Variants in CPNE8 observed in about 807,000 individuals in gnomAD.
The protein encoded by CPNE8 is copine-8.
A neutral mutation model predicts 81.5 loss-of-function variants in CPNE8; 45 were observed. The ratio of observed to expected loss-of-function variants is 0.55; its 90% CI spans 0.44 to 0.71. The LOEUF (loss-of-function observed/expected upper bound fraction) is 0.71. Ranked by LOEUF, CPNE8 falls within the 30% of genes least tolerant of loss-of-function variation. The pLI is 0.00. For missense variants in CPNE8, 594 were observed against 672.1 expected, an observed-to-expected ratio of 0.88 and a Z score of 1.28; for synonymous variants, 252 against 226.3, an observed-to-expected ratio of 1.11 and a Z score of -1.02.
At chr12:38,873,906 T>C (rs895503114) in intron 2 of CPNE8, among the ~76,000 whole-genome samples, 7 of 152,182 alleles carry the variant, frequency 4.6e-5, no homozygotes, top group African/African-American at 1.2e-4. Flanking sequence ...AGATGTTACA[T>C]ATTTCACTTG....
At chr12:38,719,495 C>T (rs1217453726) in intron 13 of CPNE8, among the ~76,000 whole-genome samples, 3 of 148,602 alleles carry the variant, frequency 2.0e-5, no homozygotes, top group Admixed American at 6.8e-5. Context: ...CCCAGCTACT[C>T]GGGAGGCTGA....
intron 1 of CPNE8, among the ~76,000 whole-genome samples, chr12:38,900,811 T>C (rs920143532): frequency 1.3e-5 from 2 of 152,172 alleles, no homozygotes; most frequent in African/African-American, 2.4e-5. Flanking sequence ...CAAGGAGTGA[T>C]GGGAGATGAG....
intron 13 of CPNE8, among the ~76,000 whole-genome samples, chr12:38,723,214 G>A (rs1940609145): frequency 6.6e-6 from 1 of 152,158 alleles, no homozygotes; most frequent in African/African-American, 2.4e-5. Flanking sequence ...CCCTATTTAT[G>A]AGGGTGTAAG....
At chr12:38,718,820 A>G (rs528043148) in intron 13 of CPNE8, among the ~76,000 whole-genome samples, 1 of 152,214 alleles carries the variant, frequency 6.6e-6, no homozygotes, top group Non-Finnish European at 1.5e-5. Context: ...TAAAGCATGT[A>G]CTAACAGGAA....
chr12:38,869,799 C>A (rs566198270), intron 3 of CPNE8, among the ~76,000 whole-genome samples: 1 of 152,286 alleles, frequency 6.6e-6, no homozygotes, highest in East Asian at 1.9e-4. Flanking sequence ...TCTCCATTTT[C>A]ATTTTGTTTT....
intron 5 of CPNE8, among the ~76,000 whole-genome samples, chr12:38,836,271 A>C (rs949390203): frequency 6.6e-6 from 1 of 152,184 alleles, no homozygotes; most frequent in Admixed American, 6.5e-5. Flanking sequence ...AGATGTCCCT[A>C]GATTCCATAA....
intron 3 of CPNE8, among the ~76,000 whole-genome samples, chr12:38,855,235 A>T (rs940225956): frequency 1.3e-5 from 2 of 152,100 alleles, no homozygotes; most frequent in Non-Finnish European, 2.9e-5. Context: ...GAAAGAAATA[A>T]TTATGACACA....
intron 13 of CPNE8, among the ~76,000 whole-genome samples, chr12:38,704,856 A>ATATATATATATATG: frequency 7.7e-6 from 1 of 129,524 alleles, no homozygotes; most frequent in African/African-American, 2.7e-5. Flanking sequence ...ATATATATAT[A>ATATATATATATATG]TATATATTTA....
chr12:38,883,316 C>A (rs78667616), intron 1 of CPNE8, among the ~76,000 whole-genome samples: 6 of 151,948 alleles, frequency 3.9e-5, no homozygotes, highest in African/African-American at 1.5e-4. Flanking sequence ...CTATATCATT[C>A]AGAACAAAAT....
chr12:38,689,945 T>G (rs960998278), intron 15 of CPNE8, among the ~76,000 whole-genome samples: 1 of 152,224 alleles, frequency 6.6e-6, no homozygotes, highest in Non-Finnish European at 1.5e-5. Context: ...AAATTCTTCC[T>G]TTCCTCTCCC....
chr12:38,801,004 A>G (rs1280692941), intron 6 of CPNE8, among the ~76,000 whole-genome samples: 3 of 150,530 alleles, frequency 2.0e-5, no homozygotes, highest in African/African-American at 7.4e-5. Context: ...ATATGGGACT[A>G]CGTGAAAAGA....
chr12:38,872,351 C>T (rs1158384005), intron 3 of CPNE8, among the ~76,000 whole-genome samples: 10 of 152,184 alleles, frequency 6.6e-5, no homozygotes, highest in Admixed American at 6.5e-4. Context: ...GCACTAACCT[C>T]ACTAGGGAAA....
intron 11 of CPNE8, among the ~76,000 whole-genome samples, chr12:38,726,953 A>G (rs1940713714): frequency 6.6e-6 from 1 of 152,208 alleles, no homozygotes; most frequent in South Asian, 2.1e-4. Context: ...AATTGCCAAT[A>G]ATACATCCGA....
chr12:38,879,242 T>C (rs1241217063), intron 1 of CPNE8, among the ~76,000 whole-genome samples: 2 of 152,070 alleles, frequency 1.3e-5, no homozygotes, highest in African/African-American at 4.8e-5. Flanking sequence ...TCTTCCTGCG[T>C]AGAACCTGAG....
chr12:38,877,326 T>G (rs1944081584), intron 1 of CPNE8, among the ~76,000 whole-genome samples: 1 of 152,138 alleles, frequency 6.6e-6, no homozygotes, highest in African/African-American at 2.4e-5. Context: ...GAAAAAAATC[T>G]TTGTTTTTTA....
chr12:38,730,728 A>G (rs1164208015), intron 10 of CPNE8, among the ~76,000 whole-genome samples: 3 of 151,596 alleles, frequency 2.0e-5, no homozygotes, highest in Non-Finnish European at 4.4e-5. Flanking sequence ...TATTGTCCAT[A>G]TCTATGGATA....
At chr12:38,684,776 T>C (rs1051853690) in intron 16 of CPNE8, among the ~76,000 whole-genome samples, 10 of 152,202 alleles carry the variant, frequency 6.6e-5, no homozygotes, top group African/African-American at 2.4e-4. Context: ...TGAAAGGATA[T>C]GCAATTTCTA....
At chr12:38,776,214 TAA>T in intron 7 of CPNE8, 22 bp downstream of exon 7, 2 of 1,372,900 alleles carry the variant, frequency 1.5e-6, no homozygotes, top group South Asian at 2.8e-5. Flanking sequence ...AAGTATTTTC[TAA>T]ACCAAAGAAA....
At chr12:38,824,739 T>A (rs1382903389) in intron 6 of CPNE8, among the ~76,000 whole-genome samples, 1 of 152,172 alleles carries the variant, frequency 6.6e-6, no homozygotes, top group Non-Finnish European at 1.5e-5. Context: ...TCATGATAAA[T>A]CAATTGTGTG....
Sources: allele counts gnomAD v4.1 joint callset (sites outside exome capture counted in the v4.1 genomes callset), GRCh38; gene constraint gnomAD v4.1.1; transcripts MANE v1.5; gene names NCBI Gene and HGNC (gene_info 2026-07-23, HGNC 2026-07-21).